LRMDA: variants seen among roughly 807,000 people sequenced by gnomAD.
LRMDA encodes leucine rich melanocyte differentiation associated.
In LRMDA, 18 loss-of-function variants were observed where a neutral mutation model predicts 29.8. The ratio of observed to expected loss-of-function variants is 0.60; its 90% CI spans 0.42 to 0.90. The LOEUF (loss-of-function observed/expected upper bound fraction) is 0.90, where lower values mean the gene tolerates loss of function less well. Among genes scored for constraint, LRMDA ranks in the 40% least tolerant of loss-of-function variants. LRMDA has a pLI of 0.00. For missense variants in LRMDA, 273 were observed against 273.9 expected, an observed-to-expected ratio of 1.00 and a Z score of 0.02; for synonymous variants, 125 against 109.4, an observed-to-expected ratio of 1.14 and a Z score of -0.89.
At chr10:75,468,482 C>A (rs2132043512) in intron 2 of LRMDA, among the ~76,000 whole-genome samples, 1 of 152,040 alleles carries the variant, frequency 6.6e-6, no homozygotes, top group East Asian at 1.9e-4. Flanking sequence ...TAAGAGATAC[C>A]CAGGGTGATG....
At chr10:76,102,918 C>T (rs186271301) in intron 5 of LRMDA, among the ~76,000 whole-genome samples, 1 of 152,296 alleles carries the variant, frequency 6.6e-6, no homozygotes, top group Admixed American at 6.5e-5. Context: ...TCCCAGATTG[C>T]TGGGATTAGA....
chr10:76,486,482 C>A (rs1046933014), intron 6 of LRMDA, among the ~76,000 whole-genome samples: 2 of 151,828 alleles, frequency 1.3e-5, no homozygotes, highest in Non-Finnish European at 2.9e-5. Context: ...CATCTTATGC[C>A]ATATCATACA....
intron 5 of LRMDA, among the ~76,000 whole-genome samples, chr10:76,186,599 TG>T (rs1369203084): frequency 1.3e-5 from 2 of 152,152 alleles, no homozygotes; most frequent in African/African-American, 4.8e-5. Context: ...TGGCACTGAG[TG>T]GGTACTCTGT....
At chr10:76,487,151 G>T (rs2132331858) in intron 6 of LRMDA, among the ~76,000 whole-genome samples, 1 of 152,012 alleles carries the variant, frequency 6.6e-6, no homozygotes, top group South Asian at 2.1e-4. Flanking sequence ...GAAGGATGTT[G>T]AATGTGCATA....
chr10:75,459,417 G>C (rs906577977), intron 2 of LRMDA, among the ~76,000 whole-genome samples: 1 of 152,138 alleles, frequency 6.6e-6, no homozygotes, highest in Non-Finnish European at 1.5e-5. Flanking sequence ...TGAAAGGGAG[G>C]CCTCAACCAT....
chr10:75,781,950 A>G (rs1041407019), intron 2 of LRMDA, among the ~76,000 whole-genome samples: 1 of 152,044 alleles, frequency 6.6e-6, no homozygotes, highest in African/African-American at 2.4e-5. Flanking sequence ...TGATGGGGAG[A>G]AGGTTCTGGC....
chr10:76,295,410 G>A (rs1487736715), intron 5 of LRMDA, among the ~76,000 whole-genome samples: 1 of 152,162 alleles, frequency 6.6e-6, no homozygotes, highest in Non-Finnish European at 1.5e-5. Flanking sequence ...GAATTTCAAA[G>A]TTTGCCTATA....
intron 5 of LRMDA, among the ~76,000 whole-genome samples, chr10:76,139,404 C>G (rs1330380937): frequency 6.6e-6 from 1 of 150,872 alleles, no homozygotes; most frequent in East Asian, 2.0e-4. Context: ...TCACAAACCC[C>G]TTTTAATTTA....
chr10:76,427,198 A>G (rs1842136883), intron 6 of LRMDA, among the ~76,000 whole-genome samples: 2 of 150,768 alleles, frequency 1.3e-5, no homozygotes, highest in South Asian at 2.1e-4. Context: ...CTTGGGCAGT[A>G]TGGCCATTTT....
chr10:75,685,968 G>T (rs573692039), intron 2 of LRMDA, among the ~76,000 whole-genome samples: 40 of 152,276 alleles, frequency 2.6e-4, no homozygotes, highest in African/African-American at 8.9e-4. Flanking sequence ...ATGAGGTGGG[G>T]CCCTTATCAT....
At chr10:75,702,461 A>G (rs189163391) in intron 2 of LRMDA, among the ~76,000 whole-genome samples, 26 of 152,302 alleles carry the variant, frequency 1.7e-4, no homozygotes, top group Admixed American at 1.3e-3. Context: ...GGGGCCCACT[A>G]AAGACCTAGA....
chr10:75,669,950 G>C (rs4442487), intron 2 of LRMDA, among the ~76,000 whole-genome samples: 18,004 of 152,062 alleles, frequency 0.12, 2,523 homozygotes, highest in East Asian at 0.33. Context: ...TACACTTAAG[G>C]CCCTTTTTTA....
chr10:76,545,191 T>G (rs1447755680), intron 6 of LRMDA, among the ~76,000 whole-genome samples: 1 of 151,720 alleles, frequency 6.6e-6, no homozygotes. Context: ...GTTTTTTTTT[T>G]TTTGTAGCTT....
At chr10:76,320,518 G>A (rs1024696867) in intron 5 of LRMDA, among the ~76,000 whole-genome samples, 9 of 152,124 alleles carry the variant, frequency 5.9e-5, no homozygotes, top group Non-Finnish European at 1.3e-4. Flanking sequence ...TGTTATACAA[G>A]TACTAGAGAA....
intron 2 of LRMDA, among the ~76,000 whole-genome samples, chr10:76,030,695 A>G (rs1848134984): frequency 1.3e-5 from 2 of 152,216 alleles, no homozygotes; most frequent in Non-Finnish European, 2.9e-5. Context: ...AGGCGGAGGC[A>G]GGAGAATCAC....
At chr10:75,782,833 G>T in intron 2 of LRMDA, 2 of 1,489,006 alleles carry the variant, frequency 1.3e-6, no homozygotes. Flanking sequence ...GCGCCGGCGT[G>T]CATGTGTTTT....
chr10:76,540,111 GACAC>G (rs976718203), intron 6 of LRMDA, among the ~76,000 whole-genome samples: 9 of 150,436 alleles, frequency 6.0e-5, no homozygotes, highest in East Asian at 2.0e-4. Context: ...ACACACAGAA[GACAC>G]ACACAACACA....
At chr10:76,106,193 C>A (rs185585456) in intron 5 of LRMDA, among the ~76,000 whole-genome samples, 4 of 152,308 alleles carry the variant, frequency 2.6e-5, no homozygotes, top group Non-Finnish European at 4.4e-5. Flanking sequence ...TGAAATAATT[C>A]TTCTGCTTTT....
At chr10:75,600,490 C>T (rs969749929) in intron 2 of LRMDA, among the ~76,000 whole-genome samples, 1 of 152,174 alleles carries the variant, frequency 6.6e-6, no homozygotes, top group Non-Finnish European at 1.5e-5. Context: ...CCTATATAAA[C>T]AAGCCTTTGT....
Sources: allele counts gnomAD v4.1 joint callset (sites outside exome capture counted in the v4.1 genomes callset), GRCh38; gene constraint gnomAD v4.1.1; transcripts MANE v1.5; gene names NCBI Gene and HGNC (gene_info 2026-07-23, HGNC 2026-07-21).